Variants in SYMPK observed in about 807,000 individuals in gnomAD.
SYMPK encodes the protein symplekin.
SYMPK carries 49 observed loss-of-function variants against 136.4 expected under a neutral mutation model. The observed-to-expected ratio is 0.36, with a 90% CI of 0.29 to 0.46. The LOEUF (loss-of-function observed/expected upper bound fraction) is 0.46. SYMPK is among the 20% of genes least tolerant of loss of function. The pLI, the probability that SYMPK is intolerant of heterozygous loss-of-function variation, is 1.00. For synonymous variants in SYMPK, 766 were observed against 713.0 expected (o/e 1.07, Z -1.19); for missense variants, 1,365 against 1,690.0 (o/e 0.81, Z 3.37).
At chr19:45,816,621 C>T (rs1568605300) in intron 24 of SYMPK, 44 bp from the exon 25 acceptor site, 3 of 1,611,048 alleles carry the variant, frequency 1.9e-6, no homozygotes, top group Non-Finnish European at 2.5e-6. Context: ...AGCTCTGGCA[C>T]AGAGACCCCA....
chr19:45,849,043 T>C (rs1186317512), intron 5 of SYMPK, among the ~76,000 whole-genome samples, 167 bp from the exon 6 acceptor site: 1 of 152,146 alleles, frequency 6.6e-6, no homozygotes, highest in Non-Finnish European at 1.5e-5. Flanking sequence ...GAGCCGCCCC[T>C]GAACCCTCTA....
chr19:45,815,441 G>GT lies in SYMPK; in HGVS notation c.*118dup. 1.8e-6 allele frequency: 2 copies of GT among 1,105,980 alleles called. No homozygotes were observed. Among genetic ancestry groups the GT allele is most frequent in the Non-Finnish European group, 1.2e-6 (1 of 808,440 alleles). The allele number at this position is 1,105,980 out of a possible 1,614,324, so 68.5% of individuals were successfully genotyped here. On this transcript the variant is annotated 3_prime_UTR_variant, in exon 27 of 27. Coordinates refer to ENST00000245934, the MANE Select transcript of SYMPK (RefSeq NM_004819.3). ...CCATCCCTTTTTTTTTTTCTTTTCAGTAACTTGCCCAAGTTCACATCTTTT... is the reference window on the plus strand; with the variant it reads ...CCATCCCTTTTTTTTTTTCTTTTCAGTTAACTTGCCCAAGTTCACATCTTTT...
rs749256464 is a variant in SYMPK, at chr19:45,842,474, G to A, written c.863C>T (p.Thr288Met). Residue 288 changes from threonine to methionine, a missense_variant, in exon 9 of 27, where the codon ACG becomes ATG. This residue lies in a region of SYMPK where 237 missense variants were observed against 292.9 expected (regional missense o/e 0.81). Transcript: ENST00000245934. ...ACTGCTCACCTGCGATTTGGCCAGC[G>A]TCGGGGGCAGGTTGGCTGTGAGGAA... ...YETLHANLPP[T>M]LAKSQVSSVR... 4.3e-6 allele frequency: 7 copies of A among 1,611,884 alleles called. No individual in the cohort carries two copies. Among genetic ancestry groups the A allele is most frequent in the African/African-American group, 1.3e-5 (1 of 75,030 alleles).
At chr19:45,823,966 G>A (rs1970973574) in intron 18 of SYMPK, 91 bp from the exon 19 acceptor site, 2 of 927,710 alleles carry the variant, frequency 2.2e-6, no homozygotes, top group Non-Finnish European at 3.3e-6. Context: ...GGGGCATGCT[G>A]GCGCCCAGGG....
At chr19:45,862,838 C>A (rs896725694) in intron 1 of SYMPK, among the ~76,000 whole-genome samples, 2 of 152,254 alleles carry the variant, frequency 1.3e-5, no homozygotes, top group Non-Finnish European at 2.9e-5. Flanking sequence ...CGAGTCGAAG[C>A]AAGCGAGGTC....
At chr19:45,817,180 G>C (rs1002936309) in intron 23 of SYMPK, 11 of 548,162 alleles carry the variant, frequency 2.0e-5, no homozygotes, top group Non-Finnish European at 3.1e-5. Context: ...ACTTGGGAAG[G>C]GGGTGGAAGA....
chr19:45,831,271 T>A, intron 12 of SYMPK, 113 bp downstream of exon 12: 1 of 789,314 alleles, frequency 1.3e-6, no homozygotes, highest in Non-Finnish European at 1.8e-6. Flanking sequence ...TCCTTCTGTC[T>A]GCATCTCAGT....
chr19:45,826,345 T>C lies in SYMPK; in HGVS notation c.2210A>G (p.Lys737Arg), dbSNP rs765492591. ...CAGCTGCTCCTTCTCATACATGCGT[T>C]TGATGAACAGCAGGGCCTGGGAGCG... The part of the protein sequence containing the change: ...KVRSQALLFI[K>R]RMYEKEQLRE... The change falls in exon 17 of 27, where the codon AAA (lysine) becomes AGA (arginine). Residue 737 changes from lysine to arginine, a missense_variant. By Grantham distance (26) the Lys-to-Arg change is conservative. Around this residue, in one of 11 missense-constraint regions of SYMPK, gnomAD observed 303 missense variants for 326.6 expected, o/e 0.93. Transcript: ENST00000245934. 1 of 1,614,136 alleles carries C rather than the reference T, an allele frequency of 6.2e-7. No homozygotes were observed. Among genetic ancestry groups the C allele is most frequent in the East Asian group, 2.2e-5 (1 of 44,888 alleles).
chr19:45,816,640 C>T lies in SYMPK; in HGVS notation c.3259-63G>A, dbSNP rs774622014. On this transcript the variant is annotated intron_variant, in intron 24 of 26. Coordinates refer to ENST00000245934, the MANE Select transcript of SYMPK (RefSeq NM_004819.3). ...CTGGCACAGAGACCCCATTTGCACA[C>T]CTCAGGTCCGGGGGCCCTAACCCTC... The T allele has an allele frequency of 1.2e-5, 19 of 1,603,510 alleles. No individual in the cohort carries two copies. In the African/African-American group the frequency reaches 1.5e-4, roughly 12 times the overall value.
chr19:45,822,137 G>A (rs1473732886), intron 21 of SYMPK, among the ~76,000 whole-genome samples: 1 of 54,450 alleles, frequency 1.8e-5, no homozygotes, highest in Admixed American at 1.8e-4. Context: ...TTTTTTTTTT[G>A]AGATGGAGTC....
Position 45,816,001 on chromosome 19 carries a change from C to G in SYMPK, c.3537G>C (p.Arg1179=), listed in dbSNP as rs745999810. 1.9e-6 allele frequency: 3 copies of G among 1,602,272 alleles called. No homozygotes were observed. Among genetic ancestry groups the G allele is most frequent in the African/African-American group, 2.7e-5 (2 of 74,818 alleles). The change falls in exon 26 of 27, where the codon CGG becomes CGC. Residue 1179 remains arginine (R), a synonymous_variant. Coordinates refer to ENST00000245934, the MANE Select transcript of SYMPK (RefSeq NM_004819.3). ...SSSPSPSPSA[R]PGPPPSEEAM... Reference sequence around the variant, plus strand: ...CTTCCTCAGACGGGGGCGGGCCTGGCCGGGCCGACGGAGAGGGAGAGGGGG... The same window carrying G: ...CTTCCTCAGACGGGGGCGGGCCTGGGCGGGCCGACGGAGAGGGAGAGGGGG...
chr19:45,853,465 G>A (rs541229478), intron 3 of SYMPK, among the ~76,000 whole-genome samples: 22 of 152,110 alleles, frequency 1.4e-4, no homozygotes, highest in Non-Finnish European at 2.4e-4. Context: ...ATGGTGAAAC[G>A]CGTCTCTACT....
intron 1 of SYMPK, among the ~76,000 whole-genome samples, chr19:45,859,106 A>G (rs1249245688): frequency 6.6e-6 from 1 of 152,030 alleles, no homozygotes; most frequent in Non-Finnish European, 1.5e-5. Flanking sequence ...CACTTTTTAT[A>G]TTCCCAGCAC....
chr19:45,845,838 C>T (rs572134095), intron 7 of SYMPK, among the ~76,000 whole-genome samples: 10 of 152,310 alleles, frequency 6.6e-5, no homozygotes, highest in Non-Finnish European at 1.0e-4. Context: ...AAGTGTTTCC[C>T]TTTCTCCACA....
At chr19:45,853,662 C>A (rs145905872) in intron 3 of SYMPK, among the ~76,000 whole-genome samples, 4 of 152,036 alleles carry the variant, frequency 2.6e-5, no homozygotes, top group African/African-American at 9.6e-5. Flanking sequence ...TGGTACACTT[C>A]TCTCCTTTTA....
chr19:45,856,101 C>T (rs573921390), intron 1 of SYMPK, among the ~76,000 whole-genome samples: 26 of 152,282 alleles, frequency 1.7e-4, no homozygotes, highest in African/African-American at 6.3e-4. Context: ...CGCCTGTAAT[C>T]CCAACACTTT....
At chr19:45,834,017 C>G (rs143086251) in intron 11 of SYMPK, among the ~76,000 whole-genome samples, 21,696 of 151,436 alleles carry the variant, frequency 0.14, 1,629 homozygotes, top group South Asian at 0.18. Context: ...GCCGGGTGCA[C>G]TGGCTCACAC....
chr19:45,817,644 C>T (rs78268489), intron 23 of SYMPK, among the ~76,000 whole-genome samples: 1 of 152,168 alleles, frequency 6.6e-6, no homozygotes, highest in African/African-American at 2.4e-5. Flanking sequence ...TCTTAAAAAA[C>T]TGGGCCATTT....
chr19:45,844,291 C>T, intron 7 of SYMPK, 91 bp from the exon 8 acceptor site: 2 of 1,042,112 alleles, frequency 1.9e-6, no homozygotes, highest in Non-Finnish European at 2.7e-6. Flanking sequence ...AAGGACAGAT[C>T]CTGGTACCTA....
Sources: allele counts gnomAD v4.1 joint callset (sites outside exome capture counted in the v4.1 genomes callset), GRCh38; gene constraint gnomAD v4.1.1; regional missense constraint gnomAD v4.1.1; transcripts MANE v1.5; gene names NCBI Gene and HGNC (gene_info 2026-07-23, HGNC 2026-07-21).